NKAIN3: variants seen among roughly 807,000 people sequenced by gnomAD.
The protein encoded by NKAIN3 is sodium/potassium-transporting ATPase subunit beta-1-interacting protein 3.
Under a neutral mutation model 30.2 loss-of-function variants are expected in NKAIN3, and 25 were observed. The ratio of observed to expected loss-of-function variants is 0.83; its 90% confidence interval spans 0.60 to 1.16. The LOEUF (loss-of-function observed/expected upper bound fraction) is 1.16, where lower values mean the gene tolerates loss of function less well. NKAIN3 is among the 50% of genes most tolerant of loss of function. NKAIN3 has a pLI of 0.00. For missense variants in NKAIN3, 225 were observed against 254.1 expected (o/e 0.89, Z 0.78); for synonymous variants, 91 against 89.6 (o/e 1.02, Z -0.09).
At chr8:62,349,193 G>A (rs976542026) in intron 1 of NKAIN3, among the ~76,000 whole-genome samples, 1 of 152,128 alleles carries the variant, frequency 6.6e-6, no homozygotes, top group East Asian at 1.9e-4. Context: ...ATTGTGCAAC[G>A]AAATTTGTGG....
chr8:62,907,182 T>C (rs1025214097), intron 4 of NKAIN3, among the ~76,000 whole-genome samples: 1 of 152,130 alleles, frequency 6.6e-6, no homozygotes, highest in African/African-American at 2.4e-5. Context: ...GATCTGTAGA[T>C]CTTTGAACTT....
At chr8:62,787,798 T>C (rs893568799) in intron 4 of NKAIN3, among the ~76,000 whole-genome samples, 5 of 151,960 alleles carry the variant, frequency 3.3e-5, no homozygotes, top group African/African-American at 1.2e-4. Flanking sequence ...TTTGTCCTTG[T>C]GATAGTTTGC....
intron 1 of NKAIN3, among the ~76,000 whole-genome samples, chr8:62,391,811 G>A (rs1040421678): frequency 5.3e-5 from 8 of 152,036 alleles, no homozygotes; most frequent in Middle Eastern, 3.4e-3. Flanking sequence ...ATGTGTGGGT[G>A]TGTGTATGCG....
chr8:62,799,858 T>C (rs920864421), intron 4 of NKAIN3, among the ~76,000 whole-genome samples: 1 of 152,168 alleles, frequency 6.6e-6, no homozygotes. Context: ...TAGTATGCAA[T>C]ACTAGTCAGC....
At chr8:62,802,136 C>T (rs1313137743) in intron 4 of NKAIN3, among the ~76,000 whole-genome samples, 4 of 152,194 alleles carry the variant, frequency 2.6e-5, no homozygotes, top group African/African-American at 4.8e-5. Flanking sequence ...ACCAAATCTA[C>T]GTCTGATTGG....
At chr8:62,471,497 A>T (rs1024486568) in intron 1 of NKAIN3, among the ~76,000 whole-genome samples, 2 of 152,214 alleles carry the variant, frequency 1.3e-5, no homozygotes, top group Non-Finnish European at 2.9e-5. Flanking sequence ...TGTGTGTACC[A>T]TAAGAACATT....
At chr8:62,278,319 A>G (rs1343649426) in intron 1 of NKAIN3, among the ~76,000 whole-genome samples, 1 of 152,118 alleles carries the variant, frequency 6.6e-6, no homozygotes, top group Non-Finnish European at 1.5e-5. Flanking sequence ...GGAATGAAGC[A>G]AAGTAGACCC....
intron 5 of NKAIN3, among the ~76,000 whole-genome samples, chr8:62,950,972 A>C (rs1823269526): frequency 7.9e-6 from 1 of 126,882 alleles, no homozygotes; most frequent in Admixed American, 8.6e-5. Context: ...TTTTTTTTAG[A>C]ATTCTCTTTT....
intron 1 of NKAIN3, among the ~76,000 whole-genome samples, chr8:62,386,737 C>A (rs1313425879): frequency 2.0e-5 from 3 of 152,036 alleles, no homozygotes; most frequent in African/African-American, 7.3e-5. Context: ...TCTTAGAAGA[C>A]CAGACTTTGA....
intron 1 of NKAIN3, among the ~76,000 whole-genome samples, chr8:62,503,402 A>G (rs1383729890): frequency 3.3e-5 from 5 of 152,188 alleles, no homozygotes; most frequent in African/African-American, 1.2e-4. Flanking sequence ...AGGCAAAATC[A>G]GAAACTCCTG....
intron 3 of NKAIN3, among the ~76,000 whole-genome samples, chr8:62,599,122 G>T (rs1211609571): frequency 6.6e-6 from 1 of 152,074 alleles, no homozygotes; most frequent in Non-Finnish European, 1.5e-5. Context: ...ATTCTCATGG[G>T]CATAAACAAT....
chr8:62,530,935 G>T (rs530319628), intron 1 of NKAIN3, among the ~76,000 whole-genome samples: 3 of 152,058 alleles, frequency 2.0e-5, no homozygotes, highest in African/African-American at 7.2e-5. Context: ...GTGAACCACC[G>T]TGCCTGGCCC....
In NKAIN3 at chr8:62,437,503, G is replaced by C. The variant is rs564220203; in HGVS notation, c.55-142036G>C. ...TCAAAGGTTGACTGAAGACTGGTCA[G>C]TGCTATTCTGTCATTTCCAGGAATG... is the stretch of plus-strand genomic sequence containing the variant. On this transcript the variant is annotated intron_variant, in intron 1 of 6. Transcript: ENST00000623646. 3.3e-5 allele frequency among the ~76,000 whole-genome samples: 5 copies of C among 152,318 alleles called. No individual in the cohort carries two copies. In the South Asian group the frequency reaches 8.3e-4, roughly 25 times the overall value.
intron 3 of NKAIN3, among the ~76,000 whole-genome samples, chr8:62,679,017 C>A (rs1813569494): frequency 6.6e-6 from 1 of 152,082 alleles, no homozygotes; most frequent in East Asian, 1.9e-4. Context: ...AGTAACAGGC[C>A]AGAACCAGAG....
chr8:62,827,019 T>C (rs1208393482), intron 4 of NKAIN3, among the ~76,000 whole-genome samples: 2 of 152,184 alleles, frequency 1.3e-5, no homozygotes, highest in Non-Finnish European at 1.5e-5. Context: ...GTATAGGTGG[T>C]TTAATTTTCA....
intron 1 of NKAIN3, among the ~76,000 whole-genome samples, chr8:62,328,339 A>G (rs75293007): frequency 0.028 from 4,259 of 152,242 alleles, 112 homozygotes; most frequent in African/African-American, 0.069. Flanking sequence ...TTTCTTACTT[A>G]ACGGACCTGC....
intron 4 of NKAIN3, among the ~76,000 whole-genome samples, chr8:62,911,519 C>T (rs1467174615): frequency 6.6e-6 from 1 of 152,128 alleles, no homozygotes; most frequent in African/African-American, 2.4e-5. Flanking sequence ...AGCCTGATTC[C>T]TCCATTCTGT....
intron 3 of NKAIN3, among the ~76,000 whole-genome samples, chr8:62,731,205 C>T (rs575969572): frequency 1.3e-3 from 193 of 147,086 alleles, no homozygotes; most frequent in Non-Finnish European, 2.4e-3. Context: ...ACATTGTTTC[C>T]GAGCCATTTC....
At chr8:62,878,855 G>A (rs905709252) in intron 4 of NKAIN3, among the ~76,000 whole-genome samples, 1 of 152,002 alleles carries the variant, frequency 6.6e-6, no homozygotes, top group Non-Finnish European at 1.5e-5. Flanking sequence ...CATTTTTTAT[G>A]GCTGCATAGT....
Sources: allele counts gnomAD v4.1 joint callset (sites outside exome capture counted in the v4.1 genomes callset), GRCh38; gene constraint gnomAD v4.1.1; transcripts MANE v1.5; gene names NCBI Gene and HGNC (gene_info 2026-07-23, HGNC 2026-07-21).